The following KCNJ6 variants were observed in gnomAD, a reference collection of about 807,000 sequenced individuals.
KCNJ6 encodes G protein-activated inward rectifier potassium channel 2.
Under a neutral mutation model 34.2 loss-of-function variants are expected in KCNJ6, and 9 were observed. The observed-to-expected ratio is 0.26, with a 90% confidence interval of 0.16 to 0.46. The LOEUF is 0.46. Ranked by LOEUF, KCNJ6 falls within the 20% of genes least tolerant of loss-of-function variation. The pLI, the probability that KCNJ6 is intolerant of heterozygous loss-of-function variation, is 1.00. For missense variants in KCNJ6, 236 were observed against 531.3 expected (o/e 0.44, Z 5.46); for synonymous variants, 196 against 207.1 (o/e 0.95, Z 0.46).
intron 2 of KCNJ6, among the ~76,000 whole-genome samples, chr21:37,836,697 C>T (rs1486394523): frequency 6.6e-6 from 1 of 152,216 alleles, no homozygotes; most frequent in Non-Finnish European, 1.5e-5. Flanking sequence ...AATGAGAACA[C>T]ATGGGCACAG....
At chr21:37,726,037 C>T (rs1308946453) in intron 2 of KCNJ6, among the ~76,000 whole-genome samples, 1 of 152,174 alleles carries the variant, frequency 6.6e-6, no homozygotes, top group Non-Finnish European at 1.5e-5. Flanking sequence ...TCCCAAGTAG[C>T]TGGGACTACA....
At chr21:37,684,106 A>C (rs889738036) in intron 3 of KCNJ6, among the ~76,000 whole-genome samples, 5 of 152,372 alleles carry the variant, frequency 3.3e-5, no homozygotes, top group Admixed American at 3.3e-4. Context: ...GAAGTATCAC[A>C]AACAGGTGGC....
chr21:37,849,877 C>A (rs1361699792), intron 1 of KCNJ6, among the ~76,000 whole-genome samples: 1 of 152,142 alleles, frequency 6.6e-6, no homozygotes, highest in East Asian at 1.9e-4. Flanking sequence ...ACTCCAGGAG[C>A]AACTGAAACA....
rs1325178003 is a variant in KCNJ6, at chr21:37,839,975, T to G, written c.25+683A>C. On this transcript the variant is annotated intron_variant, in intron 2 of 3. Transcript: ENST00000609713. ...CACCATGCTCAGCTTATTTTTGCAT[T>G]TTTAGTAGAGACAGGGTTTCACCAT... Among the ~76,000 whole-genome samples the G allele has an allele frequency of 2.6e-5, 4 of 152,076 alleles. No homozygotes were observed. The East Asian group carries it at 7.7e-4, about 29-fold the overall frequency.
chr21:37,731,383 G>C (rs188094066), intron 2 of KCNJ6, among the ~76,000 whole-genome samples: 1 of 152,208 alleles, frequency 6.6e-6, no homozygotes, highest in Non-Finnish European at 1.5e-5. Flanking sequence ...GATCTGGTAA[G>C]TGGGAAGATC....
intron 3 of KCNJ6, among the ~76,000 whole-genome samples, chr21:37,647,473 G>T (rs2054410762): frequency 6.6e-6 from 1 of 152,142 alleles, no homozygotes; most frequent in Non-Finnish European, 1.5e-5. Context: ...AATTGCCAGA[G>T]ACCAGTAAAC....
At chr21:37,715,689 C>T (rs1262345142) in intron 2 of KCNJ6, among the ~76,000 whole-genome samples, 1 of 152,128 alleles carries the variant, frequency 6.6e-6, no homozygotes, top group African/African-American at 2.4e-5. Flanking sequence ...AGGGTTGGGG[C>T]TCCAATCTAA....
intron 2 of KCNJ6, among the ~76,000 whole-genome samples, chr21:37,775,430 C>A (rs1203567205): frequency 6.6e-6 from 1 of 152,190 alleles, no homozygotes; most frequent in Non-Finnish European, 1.5e-5. Context: ...TTGCCCATGC[C>A]TATGTCCTGA....
At chr21:37,735,677 G>A (rs909048347) in intron 2 of KCNJ6, among the ~76,000 whole-genome samples, 2 of 152,304 alleles carry the variant, frequency 1.3e-5, no homozygotes, top group Non-Finnish European at 2.9e-5. Flanking sequence ...TGTAAAGCCT[G>A]TGACTTTGCT....
rs1041498669 is a variant in KCNJ6 at position 37,610,844 on chromosome 21, A to G, written c.*14315T>C. The stretch of plus-strand genomic sequence containing the variant: ...TAATTTGTGGGATGCAATAAAAACA[A>G]TGCTTAAAGGGAAATTTATAACATT... On this transcript the variant is annotated 3_prime_UTR_variant, in exon 4 of 4. Coordinates refer to ENST00000609713, the MANE Select transcript of KCNJ6 (RefSeq NM_002240.5). The G allele has an allele frequency of 6.6e-6, 1 of 152,164 alleles. No homozygotes were observed. The highest frequency in any genetic ancestry group is 1.5e-5 in the Non-Finnish European group (1 of 68,032). The allele number at this position is 152,164 out of a possible 1,614,324, so 9.4% of individuals were successfully genotyped here. A position where few individuals can be genotyped will look rare whatever the true frequency, so the allele number is the denominator to read the frequency against.
intron 2 of KCNJ6, among the ~76,000 whole-genome samples, chr21:37,739,652 A>G (rs1040429661): frequency 5.3e-5 from 8 of 152,204 alleles, no homozygotes; most frequent in Admixed American, 3.3e-4. Context: ...TTTGAGTGCT[A>G]TGCAAGCTCG....
At chr21:37,877,474 T>C (rs2055684770) in intron 1 of KCNJ6, among the ~76,000 whole-genome samples, 1 of 152,100 alleles carries the variant, frequency 6.6e-6, no homozygotes, top group Non-Finnish European at 1.5e-5. Context: ...ACAGAAAAAC[T>C]TGAGTGTCAA....
At chr21:37,855,091 A>G (rs2055557919) in intron 1 of KCNJ6, among the ~76,000 whole-genome samples, 1 of 152,234 alleles carries the variant, frequency 6.6e-6, no homozygotes, top group South Asian at 2.1e-4. Context: ...ATATACCAAG[A>G]CAGACCTCAA....
intron 2 of KCNJ6, among the ~76,000 whole-genome samples, chr21:37,814,364 G>T (rs960287319): frequency 3.3e-5 from 5 of 152,196 alleles, no homozygotes; most frequent in Non-Finnish European, 5.9e-5. Context: ...ATGGAGAACA[G>T]TTTGGAGGTT....
intron 2 of KCNJ6, among the ~76,000 whole-genome samples, chr21:37,793,704 G>A (rs2055228160): frequency 6.6e-6 from 1 of 152,128 alleles, no homozygotes; most frequent in Non-Finnish European, 1.5e-5. Flanking sequence ...GCAATCTGAG[G>A]CATAGGGGTG....
At chr21:37,691,733 C>T (rs1182858976) in intron 3 of KCNJ6, among the ~76,000 whole-genome samples, 2 of 152,104 alleles carry the variant, frequency 1.3e-5, no homozygotes, top group Non-Finnish European at 2.9e-5. Context: ...GGTTGGAGGC[C>T]ACTCGGCAGG....
chr21:37,691,968 G>A (rs530824717), intron 3 of KCNJ6, among the ~76,000 whole-genome samples: 36 of 152,076 alleles, frequency 2.4e-4, no homozygotes, highest in Non-Finnish European at 5.1e-4. Context: ...TCAGCTGATG[G>A]CCCATTTATT....
intron 3 of KCNJ6, among the ~76,000 whole-genome samples, chr21:37,713,354 G>GAATT (rs1314737630): frequency 6.6e-6 from 1 of 152,212 alleles, no homozygotes; most frequent in East Asian, 1.9e-4. Context: ...AGACCTTAAT[G>GAATT]AATTAGGGTT....
intron 2 of KCNJ6, among the ~76,000 whole-genome samples, chr21:37,811,457 A>T (rs564740932): frequency 1.3e-5 from 2 of 152,246 alleles, no homozygotes; most frequent in South Asian, 4.2e-4. Flanking sequence ...CTGATGCCTT[A>T]ACTTGTGGGA....
Sources: gnomAD v4.1 joint callset for allele counts (sites outside exome capture counted in the v4.1 genomes callset) on GRCh38, gnomAD v4.1.1 for gene constraint, MANE v1.5 for transcripts, NCBI Gene and HGNC (gene_info 2026-07-23, HGNC 2026-07-21) for gene names.